CCDC60: variants seen among roughly 807,000 people sequenced by gnomAD.
CCDC60 encodes coiled-coil domain-containing protein 60.
A neutral mutation model predicts 63.5 loss-of-function variants in CCDC60; 54 were observed. The ratio of observed to expected loss-of-function variants is 0.85; its 90% CI spans 0.68 to 1.07. The LOEUF (loss-of-function observed/expected upper bound fraction) is 1.07. Ranked by LOEUF, CCDC60 falls within the 50% of genes least tolerant of loss-of-function variation. CCDC60 has a pLI of 0.00. For synonymous variants in CCDC60, 206 were observed against 238.8 expected (o/e 0.86, Z 1.27); for missense variants, 651 against 684.3 (o/e 0.95, Z 0.54).
chr12:119,414,624 C>T (rs1359272215), intron 1 of CCDC60, among the ~76,000 whole-genome samples: 1 of 152,046 alleles, frequency 6.6e-6, no homozygotes, highest in African/African-American at 2.4e-5. Context: ...AATCATAGCT[C>T]ACCACAACCT....
At chr12:119,489,727 AC>A (rs574840407) in intron 5 of CCDC60, among the ~76,000 whole-genome samples, 1 of 150,254 alleles carries the variant, frequency 6.7e-6, no homozygotes, top group Non-Finnish European at 1.5e-5. Context: ...ATAGTTCCCC[AC>A]CCCCCGTGCT....
chr12:119,428,571 C>G (rs1956940501), intron 1 of CCDC60, 112 bp from the exon 2 acceptor site: 1 of 696,150 alleles, frequency 1.4e-6, no homozygotes, highest in South Asian at 1.8e-5. Context: ...GCCCAGGACT[C>G]CTTAAACCTA....
At chr12:119,537,875 G>A (rs540838966) in intron 13 of CCDC60, among the ~76,000 whole-genome samples, 2 of 152,350 alleles carry the variant, frequency 1.3e-5, no homozygotes, top group East Asian at 3.9e-4. Context: ...TGGGGGTCAG[G>A]GACCCACTTG....
intron 1 of CCDC60, among the ~76,000 whole-genome samples, chr12:119,422,162 G>A (rs1055924439): frequency 9.9e-5 from 15 of 152,170 alleles, no homozygotes; most frequent in African/African-American, 3.6e-4. Flanking sequence ...ACAAAGAACG[G>A]AGTCATCACC....
In CCDC60 at chr12:119,515,360, G is replaced by A. The variant is rs139869241; in HGVS notation, c.884-1263G>A. Among the ~76,000 whole-genome samples, 1,435 of 152,186 alleles carry A rather than the reference G, an allele frequency of 9.4e-3. 55 individuals carry two copies. The highest frequency in any genetic ancestry group is 0.079 in the Admixed American group (1,215 of 15,296). ...TCTGAGACAAGAGTCTCACTCTGTC[G>A]TCCAGGCTGGAGAGCAGTGGTGTGA... is the stretch of plus-strand genomic sequence containing the variant. On this transcript the variant is annotated intron_variant, in intron 7 of 13. Transcript: ENST00000327554.
At chr12:119,483,635 A>G (rs115670270) in intron 4 of CCDC60, among the ~76,000 whole-genome samples, 2 of 151,582 alleles carry the variant, frequency 1.3e-5, no homozygotes, top group African/African-American at 4.8e-5. Flanking sequence ...CTTGTAAAAG[A>G]AAAAAAAATG....
At chr12:119,390,614 T>A (rs1956139953) in intron 1 of CCDC60, among the ~76,000 whole-genome samples, 1 of 152,208 alleles carries the variant, frequency 6.6e-6, no homozygotes, top group Non-Finnish European at 1.5e-5. Context: ...ATGAGTTCTT[T>A]GATGACCAGA....
chr12:119,494,671 T>C (rs535981886), intron 5 of CCDC60, among the ~76,000 whole-genome samples: 120 of 152,160 alleles, frequency 7.9e-4, no homozygotes, highest in African/African-American at 2.7e-3. Context: ...CAACCACACT[T>C]TGAGGTTTCA....
At chr12:119,496,332 C>T (rs528431266) in intron 5 of CCDC60, among the ~76,000 whole-genome samples, 1 of 152,182 alleles carries the variant, frequency 6.6e-6, no homozygotes, top group Non-Finnish European at 1.5e-5. Flanking sequence ...TAGACATCTT[C>T]AAGTGACAGC....
At chr12:119,530,088 A>G (rs1952794634) in intron 12 of CCDC60, among the ~76,000 whole-genome samples, 1 of 152,216 alleles carries the variant, frequency 6.6e-6, no homozygotes, top group Non-Finnish European at 1.5e-5. Context: ...TGAATAACTC[A>G]GACAAGTTTC....
At chr12:119,394,572 A>G (rs1056882000) in intron 1 of CCDC60, among the ~76,000 whole-genome samples, 1 of 152,198 alleles carries the variant, frequency 6.6e-6, no homozygotes, top group African/African-American at 2.4e-5. Context: ...ACCCCCATGG[A>G]TGCACAGAAA....
chr12:119,372,972 G>A (rs1011268133), intron 1 of CCDC60, among the ~76,000 whole-genome samples: 9 of 152,072 alleles, frequency 5.9e-5, no homozygotes, highest in Admixed American at 2.6e-4. Context: ...TTTGTTTAAC[G>A]TTACTGTAAA....
intron 1 of CCDC60, among the ~76,000 whole-genome samples, chr12:119,353,008 T>C (rs1592984269): frequency 1.3e-5 from 2 of 152,256 alleles, no homozygotes; most frequent in Admixed American, 1.3e-4. Flanking sequence ...ACAGCTTTTA[T>C]GAGCCCTCCT....
chr12:119,528,576 G>A lies in CCDC60; in HGVS notation c.1230-39G>A, dbSNP rs770329804. On this transcript the variant is annotated intron_variant, in intron 11 of 13. Coordinates refer to ENST00000327554, the MANE Select transcript of CCDC60 (RefSeq NM_178499.5). The stretch of plus-strand genomic sequence containing the variant: ...AGCTAAGATGGTTACAGGAGGAGGG[G>A]ATCTCATTCTTCTCTCTCTTTCTCA... The A allele has an allele frequency of 3.8e-6, 6 of 1,593,512 alleles. No homozygotes were observed. In the South Asian group the frequency reaches 6.8e-5, roughly 18 times the overall value.
intron 1 of CCDC60, among the ~76,000 whole-genome samples, chr12:119,341,916 C>A (rs1274098450): frequency 6.6e-6 from 1 of 152,170 alleles, no homozygotes; most frequent in East Asian, 1.9e-4. Flanking sequence ...GGATTTACCT[C>A]TCAGCTCAGT....
At chr12:119,357,256 T>A (rs1955727404) in intron 1 of CCDC60, among the ~76,000 whole-genome samples, 1 of 152,110 alleles carries the variant, frequency 6.6e-6, no homozygotes, top group South Asian at 2.1e-4. Context: ...ACATTTCAAG[T>A]CCTCACTTCA....
intron 2 of CCDC60, chr12:119,433,417 G>C (rs1469847102): frequency 1.4e-6 from 1 of 702,304 alleles, no homozygotes; most frequent in East Asian, 2.7e-5. Flanking sequence ...AAGGAGAATG[G>C]GGAAAAGGCC....
chr12:119,359,390 C>T (rs141754273), intron 1 of CCDC60, among the ~76,000 whole-genome samples: 3 of 152,152 alleles, frequency 2.0e-5, no homozygotes, highest in African/African-American at 7.2e-5. Context: ...TTAAATACAC[C>T]AAGACCCTTT....
chr12:119,519,706 G>T (rs1183430512), intron 8 of CCDC60, among the ~76,000 whole-genome samples: 1 of 151,906 alleles, frequency 6.6e-6, no homozygotes, highest in African/African-American at 2.4e-5. Flanking sequence ...CAAGTGATCC[G>T]CTTGCCTTGC....
Sources: gnomAD v4.1 joint callset for allele counts (sites outside exome capture counted in the v4.1 genomes callset) on GRCh38, gnomAD v4.1.1 for gene constraint, MANE v1.5 for transcripts, NCBI Gene and HGNC (gene_info 2026-07-23, HGNC 2026-07-21) for gene names.